The following NLGN1 variants were observed in gnomAD, a reference collection of about 807,000 sequenced individuals.
NLGN1 encodes the protein neuroligin 1.
NLGN1 carries 12 observed loss-of-function variants against 65.5 expected under a neutral mutation model. The ratio of observed to expected loss-of-function variants is 0.18; its 90% CI spans 0.12 to 0.30. NLGN1 has a LOEUF of 0.30. Among genes scored for constraint, NLGN1 ranks in the 10% least tolerant of loss-of-function variants. The pLI, the probability that NLGN1 is intolerant of heterozygous loss-of-function variation, is 1.00. For synonymous variants in NLGN1, 350 were observed against 359.5 expected (o/e 0.97, Z 0.30); for missense variants, 750 against 1,007.1 (o/e 0.74, Z 3.46).
chr3:174,289,941 A>ATATATATATG (rs1752550965), downstream of NLGN1, among the ~76,000 whole-genome samples: 1 of 74,638 alleles, frequency 1.3e-5, no homozygotes, highest in Non-Finnish European at 2.7e-5. Context: ...ATATATATGT[A>ATATATATATG]TGTATATATA....
intron 1 of NLGN1, among the ~76,000 whole-genome samples, chr3:173,412,182 A>G (rs1712710947): frequency 6.6e-6 from 1 of 152,196 alleles, no homozygotes; most frequent in African/African-American, 2.4e-5. Context: ...GCAAGTTTGC[A>G]TGTTTGAAAC....
chr3:174,134,062 C>T (rs1322929330), intron 4 of NLGN1, among the ~76,000 whole-genome samples: 2 of 152,072 alleles, frequency 1.3e-5, no homozygotes, highest in Non-Finnish European at 2.9e-5. Flanking sequence ...CTTCCTCCTC[C>T]TCAGCTTTAA....
At position 173,533,852 on chromosome 3, in the gene NLGN1, C is replaced by T. The variant is rs868517765; in HGVS notation, c.-320-70427C>T. Among the ~76,000 whole-genome samples, 4 of 152,086 alleles carry T rather than the reference C, an allele frequency of 2.6e-5. No individual in the cohort carries two copies. The East Asian group carries it at 5.8e-4, about 22-fold the overall frequency. On this transcript the variant is annotated intron_variant, in intron 2 of 6. Transcript: ENST00000457714. ...CAAAAATTAACCAGACCTCGTGATG[C>T]GCGCCTATAGTCTCAGCTGCTTGGG...
intron 3 of NLGN1, among the ~76,000 whole-genome samples, chr3:173,641,066 G>T (rs1365545759): frequency 6.6e-6 from 1 of 152,104 alleles, no homozygotes; most frequent in East Asian, 1.9e-4. Context: ...TTAAGATAGT[G>T]TACCTCTTCT....
chr3:173,524,439 A>C (rs1735295204), intron 2 of NLGN1, among the ~76,000 whole-genome samples: 1 of 152,192 alleles, frequency 6.6e-6, no homozygotes, highest in Non-Finnish European at 1.5e-5. Flanking sequence ...TAATGAAGTC[A>C]TTTATCAAGT....
In NLGN1 at chr3:173,897,570, A is replaced by G. The variant is rs1736556735; in HGVS notation, c.646+89738A>G. On this transcript the variant is annotated intron_variant, in intron 4 of 6. Coordinates refer to ENST00000457714, the Ensembl canonical transcript of NLGN1. ...AGGCCTAGCTTATCCCAATATAAGC[A>G]ATTTTACTTTTGGAGTAAAATCCAA... 3.3e-5 allele frequency among the ~76,000 whole-genome samples: 5 copies of G among 152,214 alleles called. No individual in the cohort carries two copies. The South Asian group carries it at 1.0e-3, about 31-fold the overall frequency.
In NLGN1 at chr3:174,009,923, A is replaced by G. The variant is rs566004246; in HGVS notation, c.646+202091A>G. 2.4e-3 allele frequency among the ~76,000 whole-genome samples: 367 copies of G among 152,240 alleles called. 2 individuals carry two copies. Among genetic ancestry groups the G allele is most frequent in the South Asian group, 0.015 (71 of 4,830 alleles). On this transcript the variant is annotated intron_variant, in intron 4 of 6. Coordinates refer to ENST00000457714, the Ensembl canonical transcript of NLGN1. ...AGAGAAATGCTGCCATGCATAGGGG[A>G]CAGGGCATGGATCTGGGTGATGCTA... is the stretch of plus-strand genomic sequence containing the variant.
At chr3:173,496,688 T>G (rs1038006034) in intron 2 of NLGN1, among the ~76,000 whole-genome samples, 1 of 151,744 alleles carries the variant, frequency 6.6e-6, no homozygotes, top group Non-Finnish European at 1.5e-5. Flanking sequence ...AGAGACAAAA[T>G]AAAGGATTTT....
At chr3:174,031,054 T>C (rs1323971047) in intron 4 of NLGN1, among the ~76,000 whole-genome samples, 1 of 152,190 alleles carries the variant, frequency 6.6e-6, no homozygotes, top group Non-Finnish European at 1.5e-5. Context: ...TAAAACATTT[T>C]ACATTCGTTT....
intron 1 of NLGN1, among the ~76,000 whole-genome samples, chr3:173,421,853 A>G (rs533359666): frequency 1.3e-5 from 2 of 152,158 alleles, no homozygotes; most frequent in African/African-American, 2.4e-5. Flanking sequence ...TTTAGTTGCT[A>G]TGTCTCGTTA....
intron 2 of NLGN1, among the ~76,000 whole-genome samples, chr3:173,474,440 A>ATG (rs983290444): frequency 2.0e-5 from 3 of 152,006 alleles, no homozygotes; most frequent in Non-Finnish European, 2.9e-5. Context: ...CTATATCTAT[A>ATG]TGTGTGTGTG....
chr3:173,706,848 CAT>C (rs1334526028), intron 3 of NLGN1, among the ~76,000 whole-genome samples: 2 of 152,200 alleles, frequency 1.3e-5, no homozygotes, highest in Admixed American at 6.5e-5. Flanking sequence ...CACACACACA[CAT>C]CTTTTCCCAA....
At chr3:173,415,401 G>T (rs773771920) in intron 1 of NLGN1, among the ~76,000 whole-genome samples, 1 of 152,156 alleles carries the variant, frequency 6.6e-6, no homozygotes, top group Non-Finnish European at 1.5e-5. Flanking sequence ...TCAACAAGCG[G>T]TTTAGCGGTA....
intron 4 of NLGN1, among the ~76,000 whole-genome samples, chr3:174,138,790 T>C (rs1488532772): frequency 2.0e-5 from 3 of 152,166 alleles, no homozygotes; most frequent in Non-Finnish European, 4.4e-5. Context: ...TAGGTGTTTT[T>C]ACAAGATATT....
At chr3:173,778,489 A>C (rs1780649633) in intron 3 of NLGN1, among the ~76,000 whole-genome samples, 1 of 151,874 alleles carries the variant, frequency 6.6e-6, no homozygotes, top group African/African-American at 2.4e-5. Context: ...AAAACCAATA[A>C]ACTTGCCAGA....
chr3:174,246,579 T>C (rs1166004442), intron 4 of NLGN1, among the ~76,000 whole-genome samples: 1 of 152,120 alleles, frequency 6.6e-6, no homozygotes, highest in Non-Finnish European at 1.5e-5. Flanking sequence ...CCACCACACC[T>C]GATTAATTTT....
At chr3:174,224,528 G>A (rs1383356347) in intron 4 of NLGN1, among the ~76,000 whole-genome samples, 4 of 152,050 alleles carry the variant, frequency 2.6e-5, no homozygotes, top group African/African-American at 7.2e-5. Context: ...GTGAACCCCC[G>A]TCTCTACCAA....
rs146414150 is a variant in NLGN1 at position 173,962,278 on chromosome 3, C to T, written c.646+154446C>T. Among the ~76,000 whole-genome samples the T allele has an allele frequency of 5.1e-4, 78 of 152,116 alleles. 1 individual carries two copies. The East Asian group carries it at 9.9e-3, about 19-fold the overall frequency. ...TTTATTATTTTCTATTGTCTTCAGACGCATTTTGAAAGTCATATTAGGAAG... is the reference window on the plus strand; with the variant it reads ...TTTATTATTTTCTATTGTCTTCAGATGCATTTTGAAAGTCATATTAGGAAG... On this transcript the variant is annotated intron_variant, in intron 4 of 6. Coordinates refer to ENST00000457714, the Ensembl canonical transcript of NLGN1.
chr3:173,635,491 G>GT (rs1377453941), intron 3 of NLGN1, among the ~76,000 whole-genome samples: 4 of 152,066 alleles, frequency 2.6e-5, no homozygotes, highest in African/African-American at 9.7e-5. Flanking sequence ...TCATTTTTCT[G>GT]TTTGTCGAAA....
Sources: gnomAD v4.1 joint callset for allele counts (sites outside exome capture counted in the v4.1 genomes callset) on GRCh38, gnomAD v4.1.1 for gene constraint, MANE v1.5 for transcripts, NCBI Gene and HGNC (gene_info 2026-07-23, HGNC 2026-07-21) for gene names.